The following BICD2 variants were observed in gnomAD, a reference collection of about 807,000 sequenced individuals.
The protein encoded by BICD2 is protein bicaudal D homolog 2.
A neutral mutation model predicts 72.9 loss-of-function variants in BICD2; 25 were observed. The observed-to-expected ratio is 0.34, with a 90% CI of 0.25 to 0.48. The LOEUF (loss-of-function observed/expected upper bound fraction) is 0.48, where lower values mean the gene tolerates loss of function less well. Ranked by LOEUF, BICD2 falls within the 20% of genes least tolerant of loss-of-function variation. The probability of loss-of-function intolerance (pLI) is 0.99; values close to 1 mark genes in which losing one functional copy is unlikely to be tolerated. For synonymous variants in BICD2, 501 were observed against 516.1 expected (o/e 0.97, Z 0.40); for missense variants, 894 against 1,175.2 (o/e 0.76, Z 3.50).
chr9:92,724,269 T>C (rs1312115876), intron 2 of BICD2, among the ~76,000 whole-genome samples: 1 of 152,170 alleles, frequency 6.6e-6, no homozygotes, highest in Admixed American at 6.5e-5. Context: ...CTCATCTGAA[T>C]GGAACATACT....
At chr9:92,752,111 T>TGTTTG (rs1854163062) in intron 1 of BICD2, among the ~76,000 whole-genome samples, 1 of 152,136 alleles carries the variant, frequency 6.6e-6, no homozygotes, top group Non-Finnish European at 1.5e-5. Context: ...AGCCACTAAC[T>TGTTTG]AACTGCATGT....
intron 1 of BICD2, among the ~76,000 whole-genome samples, chr9:92,742,604 C>T (rs577073688): frequency 9.9e-5 from 15 of 151,974 alleles, no homozygotes; most frequent in East Asian, 3.9e-4. Context: ...CAGGATGGTC[C>T]GATCTCCTGA....
chr9:92,733,265 C>T (rs777446420), intron 1 of BICD2, among the ~76,000 whole-genome samples: 2 of 152,152 alleles, frequency 1.3e-5, no homozygotes, highest in African/African-American at 2.4e-5. Context: ...CGGCCAGGCA[C>T]GGTGGCTCAT....
At position 92,717,830 on chromosome 9, in the gene BICD2, G is replaced by C; in HGVS notation, c.2225C>G (p.Thr742Ser). The change falls in exon 6 of 7, where the codon ACC becomes AGC. Residue 742 changes from threonine to serine, a missense_variant. Thr to Ser is a moderately conservative substitution (Grantham distance 58). Transcript: ENST00000356884. ...ELKALKEDAATFSSLRAMFAT... is the reference protein window; with the variant it reads ...ELKALKEDAASFSSLRAMFAT... ...AAACATAGCACGCAGCGAGGAGAAG[G>C]TGGCTGCGTCCTCCTTGAGGGCCTT... The C allele has an allele frequency of 1.2e-6, 2 of 1,612,194 alleles. No individual in the cohort carries two copies. The highest frequency in any genetic ancestry group is 1.7e-6 in the Non-Finnish European group (2 of 1,179,834).
intron 1 of BICD2, among the ~76,000 whole-genome samples, chr9:92,734,671 G>A (rs1267450740): frequency 6.6e-6 from 1 of 151,566 alleles, no homozygotes; most frequent in Admixed American, 6.6e-5. Flanking sequence ...TAAGCACTAA[G>A]AAGAGCACTG....
At position 92,713,857 on chromosome 9, in the gene BICD2, A is replaced by G; in HGVS notation, c.*1297T>C. 9.6e-6 allele frequency: 10 copies of G among 1,040,766 alleles called. No individual in the cohort carries two copies. The highest frequency in any genetic ancestry group is 1.2e-5 in the Non-Finnish European group (10 of 862,506). The allele number at this position is 1,040,766 out of a possible 1,614,324, so 64.5% of individuals were successfully genotyped here. On this transcript the variant is annotated 3_prime_UTR_variant, in exon 7 of 7. Transcript: ENST00000356884. ...AACGCGCAGGGCAGAGAGCTGTGGG[A>G]GGGGGCAACACGGTCTCTCACCAGG...
chr9:92,725,734 G>A (rs951357012), intron 2 of BICD2, among the ~76,000 whole-genome samples: 2 of 152,362 alleles, frequency 1.3e-5, no homozygotes, highest in African/African-American at 4.8e-5. Context: ...CCTGTTTCAA[G>A]GAGCCACTGT....
chr9:92,718,882 T>C lies in BICD2; in HGVS notation c.1763A>G (p.Lys588Arg), dbSNP rs1167042614. Residue 588 changes from lysine (K) to arginine (R), a missense_variant, in exon 5 of 7, where the codon AAG becomes AGG. Physicochemically the swap from Lys to Arg is conservative, Grantham distance 26. Coordinates refer to ENST00000356884, the MANE Select transcript of BICD2 (RefSeq NM_001003800.2). The stretch of plus-strand genomic sequence containing the variant: ...GCCCGCCTCAGGAGCCAGCAGCCCC[T>C]TGGGTAGGAGGATGGGTGAGCGCCG... Reference protein sequence around the residue: ...RGRRSPILLPKGLLAPEAGRA... With the variant: ...RGRRSPILLPRGLLAPEAGRA... The C allele has an allele frequency of 6.2e-7, 1 of 1,601,598 alleles. No individual in the cohort carries two copies. Among genetic ancestry groups the C allele is most frequent in the African/African-American group, 1.3e-5 (1 of 74,722 alleles).
intron 1 of BICD2, among the ~76,000 whole-genome samples, chr9:92,732,175 A>G (rs928012762): frequency 1.3e-5 from 2 of 152,264 alleles, no homozygotes; most frequent in Admixed American, 6.5e-5. Flanking sequence ...CGAAAAGTAC[A>G]GTGGATGGGA....
intron 1 of BICD2, among the ~76,000 whole-genome samples, chr9:92,734,507 C>A (rs1198407950): frequency 3.4e-5 from 4 of 118,922 alleles, no homozygotes; most frequent in African/African-American, 7.2e-5. Flanking sequence ...GAGCTAGACC[C>A]TGTCTCAAAA....
intron 3 of BICD2, among the ~76,000 whole-genome samples, chr9:92,721,565 A>G (rs990195760): frequency 6.6e-6 from 1 of 152,272 alleles, no homozygotes; most frequent in Non-Finnish European, 1.5e-5. Flanking sequence ...AGTAACAGGA[A>G]GTGCTGAGCA....
At position 92,719,262 on chromosome 9, in the gene BICD2, C is replaced by T. The variant is rs1218708171; in HGVS notation, c.1383G>A (p.Glu461=). The change falls in exon 5 of 7, where the codon GAG becomes GAA. Residue 461 remains glutamate (E), a synonymous_variant. Transcript: ENST00000356884. The part of the protein sequence containing the change: ...EQLKALRSTH[E]AREAQHAEEK... ...CCTCGGCGTGCTGGGCCTCACGAGC[C>T]TCGTGCGTGCTGCGCAGTGCCTTGA... 1 of 1,613,554 alleles carries T rather than the reference C, an allele frequency of 6.2e-7. No homozygotes were observed. The highest frequency in any genetic ancestry group is 8.5e-7 in the Non-Finnish European group (1 of 1,180,016).
At chr9:92,736,814 C>T (rs887865243) in intron 1 of BICD2, among the ~76,000 whole-genome samples, 1 of 152,174 alleles carries the variant, frequency 6.6e-6, no homozygotes, top group African/African-American at 2.4e-5. Context: ...CATGTTCCCC[C>T]TTTACACACA....
intron 1 of BICD2, among the ~76,000 whole-genome samples, chr9:92,729,778 A>G (rs1473959227): frequency 6.6e-6 from 1 of 152,232 alleles, no homozygotes. Flanking sequence ...AGCACAGTGT[A>G]CCACCCACTC....
intron 3 of BICD2, 27 bp downstream of exon 3, chr9:92,722,629 C>A: frequency 6.2e-7 from 1 of 1,613,534 alleles, no homozygotes; most frequent in Non-Finnish European, 8.5e-7. Context: ...CCACGTGCCA[C>A]CTCCACCCCA....
chr9:92,727,444 G>A (rs1853589719), intron 2 of BICD2, among the ~76,000 whole-genome samples: 2 of 152,184 alleles, frequency 1.3e-5, no homozygotes, highest in Admixed American at 1.3e-4. Context: ...GGGAAACTGA[G>A]GCCAGGACTA....
Position 92,719,239 on chromosome 9 carries a change from T to A in BICD2, c.1406A>T (p.Glu469Val). 4 of 1,612,436 alleles carry A rather than the reference T, an allele frequency of 2.5e-6. No homozygotes were observed. Among genetic ancestry groups the A allele is most frequent in the Non-Finnish European group, 3.4e-6 (4 of 1,179,968 alleles). ...THEAREAQHA[E>V]EKGRYEAEGQ... ...CTCAGCCTCATAGCGGCCCTTCTCC[T>A]CGGCGTGCTGGGCCTCACGAGCCTC... Residue 469 changes from glutamate (E) to valine (V), a missense_variant, in exon 5 of 7, where the codon GAG (glutamate) becomes GTG (valine). Physicochemically the swap from Glu to Val is moderately radical, Grantham distance 121. Transcript: ENST00000356884.
Position 92,715,252 on chromosome 9 carries a change from C to A in BICD2, c.2470G>T (p.Val824Leu). 4 of 1,613,290 alleles carry A rather than the reference C, an allele frequency of 2.5e-6. No individual in the cohort carries two copies. Among genetic ancestry groups the A allele is most frequent in the Non-Finnish European group, 2.5e-6 (3 of 1,179,952 alleles). ...APKTKPATPSVSHTCACASDR... is the reference protein window; with the variant it reads ...APKTKPATPSLSHTCACASDR... ...CTGGCACAGGCACAGGTGTGACTTACGCTCGGTGTGGCTGGCTTGGTCTTC... is the reference window on the plus strand; with the variant it reads ...CTGGCACAGGCACAGGTGTGACTTAAGCTCGGTGTGGCTGGCTTGGTCTTC... Residue 824 changes from valine to leucine, a missense_variant, in exon 7 of 7, where the codon GTA becomes TTA. By Grantham distance (32) the Val-to-Leu change is conservative. Around this residue, in one of 5 missense-constraint regions of BICD2, gnomAD observed 321 missense variants for 443.9 expected, o/e 0.72. Transcript: ENST00000356884.
intron 2 of BICD2, among the ~76,000 whole-genome samples, chr9:92,727,992 G>A (rs566583178): frequency 6.6e-6 from 1 of 152,288 alleles, no homozygotes; most frequent in Non-Finnish European, 1.5e-5. Flanking sequence ...CCCTGGCAGG[G>A]CTCAATTAAA....
Sources: gnomAD v4.1 joint callset for allele counts (sites outside exome capture counted in the v4.1 genomes callset) on GRCh38, gnomAD v4.1.1 for gene constraint, gnomAD v4.1.1 regional missense constraint, MANE v1.5 for transcripts, NCBI Gene and HGNC (gene_info 2026-07-23, HGNC 2026-07-21) for gene names.